SS18: variants seen among roughly 807,000 people sequenced by gnomAD.
The protein encoded by SS18 is protein SSXT.
A neutral mutation model predicts 72.5 loss-of-function variants in SS18; 28 were observed. The ratio of observed to expected loss-of-function variants is 0.39; its 90% CI spans 0.29 to 0.53. The LOEUF is 0.53. Among genes scored for constraint, SS18 ranks in the 20% least tolerant of loss-of-function variants. The probability of loss-of-function intolerance (pLI) is 0.76; values close to 1 mark genes in which losing one functional copy is unlikely to be tolerated. For missense variants in SS18, 518 were observed against 535.3 expected (o/e 0.97, Z 0.32); for synonymous variants, 172 against 164.2 (o/e 1.05, Z -0.37).
At chr18:26,040,880 G>A (rs1226514577) in intron 5 of SS18, among the ~76,000 whole-genome samples, 1 of 152,114 alleles carries the variant, frequency 6.6e-6, no homozygotes, top group Non-Finnish European at 1.5e-5. Flanking sequence ...TGAGAGTAGA[G>A]GCGAAGAGAA....
At chr18:26,090,678 G>A (rs144991527), upstream of SS18, 1,253 of 1,190,366 alleles carry the variant, frequency 1.1e-3, 17 homozygotes, top group African/African-American at 0.017. Flanking sequence ...TGCGGGGAGG[G>A]GGGATGCTCC....
Position 26,016,775 on chromosome 18 carries a change from T to C in SS18, c.*1579A>G, listed in dbSNP as rs2053258625. On this transcript the variant is annotated 3_prime_UTR_variant, in exon 11 of 11. Coordinates refer to ENST00000415083, the MANE Select transcript of SS18 (RefSeq NM_001007559.3). ...AAAAACAAAAAAACCTGTTCTGACC[T>C]TGAAACACACAAACACACACTCTCT... 1 of 230,962 alleles carries C rather than the reference T, an allele frequency of 4.3e-6. No homozygotes were observed. Among genetic ancestry groups the C allele is most frequent in the Non-Finnish European group, 8.6e-6 (1 of 116,526 alleles). 14.3% of individuals were successfully genotyped at this position (230,962 alleles called of 1,614,324 possible).
chr18:26,060,771 CAAAAAAAAAAAAAAAAA>C (rs60999827), intron 3 of SS18, among the ~76,000 whole-genome samples: 9,403 of 40,278 alleles, frequency 0.23, 903 homozygotes, highest in Admixed American at 0.42. Flanking sequence ...CTAAAAATAC[CAAAAAAAAAAAAAAAAA>C]AAAAAAAAAA....
intron 3 of SS18, among the ~76,000 whole-genome samples, chr18:26,060,771 C>CAAAAAAAAACAAA (rs2054105845): frequency 2.5e-5 from 1 of 39,606 alleles, no homozygotes; most frequent in Non-Finnish European, 5.7e-5. Flanking sequence ...CTAAAAATAC[C>CAAAAAAAAACAAA]AAAAAAAAAA....
At chr18:26,066,790 G>A (rs549575970) in intron 3 of SS18, among the ~76,000 whole-genome samples, 70 of 152,148 alleles carry the variant, frequency 4.6e-4, no homozygotes, top group South Asian at 6.2e-4. Context: ...AAAATGCTCC[G>A]TATAGTATCA....
intron 5 of SS18, among the ~76,000 whole-genome samples, chr18:26,042,217 A>G (rs1214457099): frequency 6.6e-6 from 1 of 152,192 alleles, no homozygotes; most frequent in Non-Finnish European, 1.5e-5. Context: ...ATATGTTCTA[A>G]AAATTTGTAC....
chr18:26,043,686 A>G (rs919491146), intron 5 of SS18, among the ~76,000 whole-genome samples: 3 of 152,212 alleles, frequency 2.0e-5, no homozygotes, highest in Admixed American at 1.3e-4. Flanking sequence ...TTTAGATACA[A>G]TATCAAGGAT....
intron 7 of SS18, 37 bp downstream of exon 7, chr18:26,038,518 G>A (rs201516574): frequency 3.3e-6 from 5 of 1,533,794 alleles, no homozygotes; most frequent in Non-Finnish European, 4.5e-6. Context: ...ATTAGGCAGG[G>A]ATAGAAAATG....
rs373793671 is a variant in SS18, at chr18:26,032,354, G to C, written c.1230+45C>G. 9.4e-6 allele frequency: 15 copies of C among 1,602,810 alleles called. No individual in the cohort carries two copies. In the African/African-American group the frequency reaches 1.1e-4, roughly 11 times the overall value. ...TAAAAAAAAGTTCACCTAATCGAGA[G>C]TGAAGAAACAATGTGGCAATTCTGC... On this transcript the variant is annotated intron_variant, in intron 10 of 10. Transcript: ENST00000415083.
upstream of SS18, chr18:26,090,983 C>G (rs367597105): frequency 1.7e-5 from 4 of 233,052 alleles, no homozygotes; most frequent in East Asian, 1.1e-4. Flanking sequence ...GGCCCGCCCC[C>G]TTCGCGCCGT....
intron 9 of SS18, among the ~76,000 whole-genome samples, chr18:26,033,407 G>A (rs908583861): frequency 5.3e-5 from 8 of 151,834 alleles, no homozygotes; most frequent in Non-Finnish European, 1.0e-4. Flanking sequence ...CCAGCTACTC[G>A]GGAGGTTGAC....
intron 2 of SS18, chr18:26,080,182 G>A (rs536688689): frequency 5.2e-6 from 1 of 194,022 alleles, no homozygotes; most frequent in African/African-American, 2.4e-5. Context: ...GCACTAACAG[G>A]GACCACTAGC....
At chr18:26,041,677 C>T (rs993863446) in intron 5 of SS18, among the ~76,000 whole-genome samples, 3 of 151,654 alleles carry the variant, frequency 2.0e-5, no homozygotes, top group African/African-American at 7.3e-5. Flanking sequence ...CTTGTCTTAA[C>T]AGAAGGTAAC....
chr18:26,078,424 G>A, intron 2 of SS18: 1 of 275,904 alleles, frequency 3.6e-6, no homozygotes, highest in East Asian at 7.4e-5. Context: ...AATACTACGA[G>A]GCAGGAGCTC....
chr18:26,057,503 T>C, intron 4 of SS18, 86 bp downstream of exon 4: 14 of 1,532,154 alleles, frequency 9.1e-6, no homozygotes, highest in Non-Finnish European at 1.2e-5. Context: ...AGTTTTGTCA[T>C]CAACAATCTA....
chr18:26,038,969 A>G (rs1475340577), intron 6 of SS18, among the ~76,000 whole-genome samples: 1 of 152,094 alleles, frequency 6.6e-6, no homozygotes, highest in Non-Finnish European at 1.5e-5. Context: ...TTTAATTTTG[A>G]TACTACAGTG....
Position 26,017,981 on chromosome 18 carries a change from T to C in SS18, c.*373A>G. ...AAAGTGTACATTTCCCTCTTCCCCT[T>C]ACAAAAAAATCTGTGGAAAAGTATT... On this transcript the variant is annotated 3_prime_UTR_variant, in exon 11 of 11. Transcript: ENST00000415083. 8.1e-6 allele frequency: 2 copies of C among 245,446 alleles called. No homozygotes were observed. The highest frequency in any genetic ancestry group is 1.2e-4 in the East Asian group (2 of 16,842). The allele number at this position is 245,446 out of a possible 1,614,324, so 15.2% of individuals were successfully genotyped here. A position where few individuals can be genotyped will look rare whatever the true frequency, so the allele number is the denominator to read the frequency against.
chr18:26,080,823 C>T (rs1271638481), intron 2 of SS18, among the ~76,000 whole-genome samples: 3 of 151,948 alleles, frequency 2.0e-5, no homozygotes, highest in Non-Finnish European at 2.9e-5. Flanking sequence ...CACTTTTTTC[C>T]AAAACCATTT....
At chr18:26,037,419 C>G (rs147003120) in intron 7 of SS18, among the ~76,000 whole-genome samples, 1 of 151,938 alleles carries the variant, frequency 6.6e-6, no homozygotes, top group South Asian at 2.1e-4. Context: ...GTAGATTTCA[C>G]GTCTTTAAAA....
Sources: gnomAD v4.1 joint callset for allele counts (sites outside exome capture counted in the v4.1 genomes callset) on GRCh38, gnomAD v4.1.1 for gene constraint, MANE v1.5 for transcripts, NCBI Gene and HGNC (gene_info 2026-07-23, HGNC 2026-07-21) for gene names.